Variants in ZFC3H1 observed in about 807,000 individuals in gnomAD.
ZFC3H1 encodes the protein zinc finger C3H1-type containing, also known as zinc finger C3H1 domain-containing protein.
In ZFC3H1, 71 loss-of-function variants were observed where a neutral mutation model predicts 243.7. The ratio of observed to expected loss-of-function variants is 0.29; its 90% CI spans 0.24 to 0.36. ZFC3H1 has a LOEUF of 0.36. Ranked by LOEUF, ZFC3H1 falls within the 10% of genes least tolerant of loss-of-function variation. The pLI is 1.00. For missense variants in ZFC3H1, 1,966 were observed against 2,317.1 expected (o/e 0.85, Z 3.11); for synonymous variants, 838 against 813.0 (o/e 1.03, Z -0.52).
chr12:71,638,120 A>G (rs866311590), intron 7 of ZFC3H1, among the ~76,000 whole-genome samples: 1 of 152,154 alleles, frequency 6.6e-6, no homozygotes, highest in South Asian at 2.1e-4. Flanking sequence ...AAAACAGTAG[A>G]TAACTTCTGT....
chr12:71,629,355 C>T lies in ZFC3H1; in HGVS notation c.3826+254G>A, dbSNP rs772071544. ...CTAATTTTTCTATTTTTAGTAGAGA[C>T]GGGGTTTCACCATGTTGGCCAGGCT... On this transcript the variant is annotated intron_variant, in intron 19 of 34. Transcript: ENST00000378743. Among the ~76,000 whole-genome samples the T allele has an allele frequency of 9.9e-5, 15 of 151,908 alleles. No individual in the cohort carries two copies. In the Middle Eastern group the frequency reaches 0.01, roughly 104 times the overall value.
At position 71,629,588 on chromosome 12, in the gene ZFC3H1, CACACTT is replaced by C. The variant is rs1347394833; in HGVS notation, c.3826+15_3826+20del. ...ACACACACACACACACACACACACA[CACACTT>C]ATATATGTACTTACTATGACCTTTA... On this transcript the variant is annotated intron_variant, in intron 19 of 34. Coordinates refer to ENST00000378743, the MANE Select transcript of ZFC3H1 (RefSeq NM_144982.5). The C allele has an allele frequency of 1.3e-6, 2 of 1,486,610 alleles. No individual in the cohort carries two copies. Among genetic ancestry groups the C allele is most frequent in the East Asian group, 2.3e-5 (1 of 44,018 alleles). The allele number at this position is 1,486,610 out of a possible 1,614,324, so 92.1% of individuals were successfully genotyped here.
intron 10 of ZFC3H1, 79 bp downstream of exon 10, chr12:71,635,364 G>GAA (rs1565816379): frequency 6.0e-6 from 9 of 1,495,180 alleles, no homozygotes; most frequent in East Asian, 2.6e-5. Context: ...TAACTTTATG[G>GAA]TTTAATTTTC....
At chr12:71,637,867 G>A (rs754615070) in intron 7 of ZFC3H1, among the ~76,000 whole-genome samples, 2 of 152,154 alleles carry the variant, frequency 1.3e-5, no homozygotes, top group East Asian at 3.9e-4. Context: ...AACTTTTAAT[G>A]TGTGATTCCT....
intron 22 of ZFC3H1, among the ~76,000 whole-genome samples, chr12:71,625,346 T>G (rs114844487): frequency 6.6e-6 from 1 of 152,166 alleles, no homozygotes; most frequent in South Asian, 2.1e-4. Flanking sequence ...CAGGTGAATA[T>G]TTATTTTATT....
In ZFC3H1 at chr12:71,624,102, A is replaced by C; in HGVS notation, c.4506+2T>G. The C allele has an allele frequency of 6.2e-7, 1 of 1,611,118 alleles. No individual in the cohort carries two copies. Among genetic ancestry groups the C allele is most frequent in the Non-Finnish European group, 8.5e-7 (1 of 1,178,900 alleles). On this transcript the variant is annotated splice_donor_variant, in intron 23 of 34. Coordinates refer to ENST00000378743, the MANE Select transcript of ZFC3H1 (RefSeq NM_144982.5). LOFTEE classifies it high-confidence loss of function. ...CAATTAAATGCTGTACCAAGTGCTT[A>C]CCTGTAAAATTGCCAGTGCACTTTG...
At chr12:71,629,555 G>GTA in intron 19 of ZFC3H1, 54 bp downstream of exon 19, 2 of 336,842 alleles carry the variant, frequency 5.9e-6, no homozygotes, top group Non-Finnish European at 4.9e-6. Flanking sequence ...AAGAGATACA[G>GTA]TACACACACA....
rs766138496 is a variant in ZFC3H1, at chr12:71,624,162, A to C, written c.4448T>G (p.Phe1483Cys). ...AGTAAATATGTGCAGCTGAACTCTA[A>C]ACAAAAGAGCCTCTAAAAGCTGAAA... Reference protein sequence around the residue: ...LSFQLLEALLFRVQLHIFTGR... With the variant: ...LSFQLLEALLCRVQLHIFTGR... The change falls in exon 23 of 35, where the codon TTT becomes TGT. Residue 1483 changes from phenylalanine to cysteine, a missense_variant. This residue lies in a region of ZFC3H1 where 1,383 missense variants were observed against 1,723.7 expected (regional missense o/e 0.80). Transcript: ENST00000378743. 2.5e-6 allele frequency: 4 copies of C among 1,613,932 alleles called. No individual in the cohort carries two copies. Among genetic ancestry groups the C allele is most frequent in the Non-Finnish European group, 3.4e-6 (4 of 1,180,014 alleles).
chr12:71,634,292 C>T lies in ZFC3H1; in HGVS notation c.2373G>A (p.Gln791=). ...LKEEIANREK[Q]RLIKSDQLKT... Reference sequence around the variant, plus strand: ...TCAGCTGATCTGATTTAATCAAACGCTGTTTCTCACGGCTAAAATTATCAA... The same window carrying T: ...TCAGCTGATCTGATTTAATCAAACGTTGTTTCTCACGGCTAAAATTATCAA... The change falls in exon 12 of 35, where the codon CAG becomes CAA. Residue 791 remains glutamine (Q), a synonymous_variant. Transcript: ENST00000378743. 1.2e-6 allele frequency: 2 copies of T among 1,612,684 alleles called. No individual in the cohort carries two copies. The highest frequency in any genetic ancestry group is 1.7e-6 in the Non-Finnish European group (2 of 1,179,618).
At chr12:71,638,879 C>G (rs1475076563) in intron 6 of ZFC3H1, among the ~76,000 whole-genome samples, 9 of 152,000 alleles carry the variant, frequency 5.9e-5, no homozygotes, top group Non-Finnish European at 1.2e-4. Context: ...AAAAAATTCC[C>G]TTAAATTCTG....
At chr12:71,634,094 C>A (rs1234062704) in intron 12 of ZFC3H1, 61 bp downstream of exon 12, 4 of 1,517,370 alleles carry the variant, frequency 2.6e-6, no homozygotes, top group Non-Finnish European at 3.6e-6. Flanking sequence ...ATAACATACA[C>A]CACAAAAATG....
At chr12:71,637,099 A>C (rs770257581) in intron 7 of ZFC3H1, 40 bp from the exon 8 acceptor site, 1 of 1,520,180 alleles carries the variant, frequency 6.6e-7, no homozygotes, top group Admixed American at 1.9e-5. Flanking sequence ...CGCAAATTTT[A>C]TCAACTCAAA....
chr12:71,624,905 T>C (rs143759648), intron 22 of ZFC3H1, among the ~76,000 whole-genome samples: 1 of 152,168 alleles, frequency 6.6e-6, no homozygotes, highest in Non-Finnish European at 1.5e-5. Context: ...AGACGGAGGT[T>C]GCAGTGAGCC....
At chr12:71,622,707 C>T (rs766184889) in intron 24 of ZFC3H1, among the ~76,000 whole-genome samples, 3 of 152,160 alleles carry the variant, frequency 2.0e-5, no homozygotes, top group Admixed American at 2.0e-4. Context: ...AGGCAATCCG[C>T]GCACCTTGGC....
chr12:71,626,568 G>C (rs1880172371), intron 21 of ZFC3H1, 122 bp from the exon 22 acceptor site: 4 of 885,244 alleles, frequency 4.5e-6, no homozygotes, highest in Admixed American at 3.1e-5. Flanking sequence ...AAGAAGTCAG[G>C]ATCACTTATG....
chr12:71,624,948 C>T (rs1880125918), intron 22 of ZFC3H1, among the ~76,000 whole-genome samples: 3 of 152,252 alleles, frequency 2.0e-5, no homozygotes, highest in Middle Eastern at 3.4e-3. Context: ...GCCTGGGTGA[C>T]AGAGCGAGAC....
chr12:71,635,949 A>C (rs1880448090), intron 9 of ZFC3H1, among the ~76,000 whole-genome samples: 1 of 152,204 alleles, frequency 6.6e-6, no homozygotes, highest in South Asian at 2.1e-4. Context: ...TAAATTGCCA[A>C]AACTGGCTTA....
chr12:71,624,199 T>C lies in ZFC3H1; in HGVS notation c.4411A>G (p.Asn1471Asp). The C allele has an allele frequency of 6.2e-7, 1 of 1,614,100 alleles. No homozygotes were observed. The highest frequency in any genetic ancestry group is 1.3e-5 in the African/African-American group (1 of 75,070). ...LMGAAKQETS[N>D]ILSFQLLEAL... ...TCTAAAAGCTGAAAGGACAAAATAT[T>C]GGATGTTTCCTGCTTGGCTGCTCCC... Residue 1471 changes from asparagine (N) to aspartate (D), a missense_variant, in exon 23 of 35, where the codon AAT becomes GAT. Around this residue, in one of 4 missense-constraint regions of ZFC3H1, gnomAD observed 1,383 missense variants for 1,723.7 expected, o/e 0.80. Coordinates refer to ENST00000378743, the MANE Select transcript of ZFC3H1 (RefSeq NM_144982.5).
At chr12:71,616,157 G>A (rs1292868640) in intron 27 of ZFC3H1, among the ~76,000 whole-genome samples, 1 of 152,102 alleles carries the variant, frequency 6.6e-6, no homozygotes, top group Non-Finnish European at 1.5e-5. Flanking sequence ...AATTAGTCAG[G>A]TGTGGTGATG....
Sources: allele counts gnomAD v4.1 joint callset (sites outside exome capture counted in the v4.1 genomes callset), GRCh38; gene constraint gnomAD v4.1.1; regional missense constraint gnomAD v4.1.1; transcripts MANE v1.5; gene names NCBI Gene and HGNC (gene_info 2026-07-23, HGNC 2026-07-21).